The following RASA3 variants were observed in gnomAD, a reference collection of about 807,000 sequenced individuals.
RASA3 encodes RAS p21 protein activator 3, also known as ras GTPase-activating protein 3.
In RASA3, 73 loss-of-function variants were observed where a neutral mutation model predicts 110.0. That is an observed-to-expected ratio of 0.66 (90% confidence interval 0.55 to 0.81). The LOEUF is 0.81. RASA3 is among the 30% of genes least tolerant of loss of function. RASA3 has a pLI of 0.00. For missense variants in RASA3, 976 were observed against 1,113.2 expected (o/e 0.88, Z 1.75); for synonymous variants, 500 against 451.4 (o/e 1.11, Z -1.37).
rs1410028817 is a variant in RASA3, at chr13:114,048,301, A to T, written c.277+3751T>A. Among the ~76,000 whole-genome samples the T allele has an allele frequency of 1.1e-4, 17 of 150,066 alleles. 1 individual carries two copies. The highest frequency in any genetic ancestry group is 3.4e-3 in the Middle Eastern group (1 of 290). On this transcript the variant is annotated intron_variant, in intron 3 of 23. Coordinates refer to ENST00000334062, the MANE Select transcript of RASA3 (RefSeq NM_007368.4). This position sits in a 1 kb window ranked among gnomAD's most constrained non-coding sequence, Gnocchi z 4.3. ...CTGCCCTCCAGCCTGGGCGACAGAAAGAGACTCCGTCTCAAAAAAAAAAAA... is the reference window on the plus strand; with the variant it reads ...CTGCCCTCCAGCCTGGGCGACAGAATGAGACTCCGTCTCAAAAAAAAAAAA...
chr13:114,119,942 TCC>T, intron 1 of RASA3, among the ~76,000 whole-genome samples: 1 of 4,636 alleles, frequency 2.2e-4, no homozygotes, highest in Admixed American at 2.2e-3. Context: ...GGGCCCTCCC[TCC>T]TCTCTCCAGC....
At chr13:114,092,544 C>T (rs575836545) in intron 1 of RASA3, among the ~76,000 whole-genome samples, 2 of 152,036 alleles carry the variant, frequency 1.3e-5, no homozygotes, top group Non-Finnish European at 2.9e-5. Context: ...ATAATTTTGA[C>T]GTTTTTTAAT....
intron 1 of RASA3, among the ~76,000 whole-genome samples, chr13:114,126,715 A>G (rs2080455464): frequency 6.6e-6 from 1 of 152,256 alleles, no homozygotes; most frequent in Non-Finnish European, 1.5e-5. Context: ...TTCTGCTAGA[A>G]TAATACCTCC....
intron 4 of RASA3, among the ~76,000 whole-genome samples, chr13:114,035,073 C>T (rs1023894233): frequency 6.6e-6 from 1 of 152,062 alleles, no homozygotes; most frequent in African/African-American, 2.4e-5. Flanking sequence ...GAGATCTGAA[C>T]GCTGACCTGA....
At chr13:114,041,686 C>T (rs2054411271) in intron 3 of RASA3, among the ~76,000 whole-genome samples, 3 of 152,248 alleles carry the variant, frequency 2.0e-5, no homozygotes, top group Admixed American at 1.3e-4. Context: ...GGGTGCTTTC[C>T]GTGTGTGTGG....
At chr13:114,027,482 A>G in intron 6 of RASA3, 21 bp from the exon 7 acceptor site, 1 of 1,589,738 alleles carries the variant, frequency 6.3e-7, no homozygotes. Context: ...GTGAGAAAGG[A>G]TTGGGATTAA....
chr13:114,023,380 G>A (rs34803962), intron 8 of RASA3, among the ~76,000 whole-genome samples: 86,111 of 152,064 alleles, frequency 0.57, 26,183 homozygotes, highest in African/African-American at 0.8. Flanking sequence ...TCTCAGGGCC[G>A]GCTGGGGAGG....
chr13:114,069,643 G>A (rs1475386999), intron 2 of RASA3, among the ~76,000 whole-genome samples: 1 of 77,552 alleles, frequency 1.3e-5, no homozygotes, highest in East Asian at 4.2e-4. Context: ...TCGGGGAGCC[G>A]GGAGACTCGG....
At chr13:114,129,436 C>T (rs2080490707) in intron 1 of RASA3, among the ~76,000 whole-genome samples, 1 of 152,132 alleles carries the variant, frequency 6.6e-6, no homozygotes, top group Non-Finnish European at 1.5e-5. Flanking sequence ...GCTGGAAGGA[C>T]AAAGAAAGAG....
At position 114,112,479 on chromosome 13, in the gene RASA3, G is replaced by A. The variant is rs918374413; in HGVS notation, c.55+19956C>T. Among the ~76,000 whole-genome samples, 29 of 152,150 alleles carry A rather than the reference G, an allele frequency of 1.9e-4. No homozygotes were observed. Among genetic ancestry groups the A allele is most frequent in the Admixed American group, 6.5e-5 (1 of 15,286 alleles). ...TAGACCGGGGTCTCAGATTTCAGCC[G>A]GACGGGAACTCTCTGCAGGGCCGGT... On this transcript the variant is annotated intron_variant, in intron 1 of 23. Transcript: ENST00000334062. The surrounding 1 kb of genome is among the most constrained non-coding windows in gnomAD (Gnocchi z 4.8).
At chr13:114,077,126 C>T (rs2079697591) in intron 1 of RASA3, among the ~76,000 whole-genome samples, 1 of 152,190 alleles carries the variant, frequency 6.6e-6, no homozygotes, top group Non-Finnish European at 1.5e-5. Flanking sequence ...GAGATTTGTT[C>T]CCACAGGGCC....
rs779640385 is a variant in RASA3 at position 114,115,089 on chromosome 13, G to A, written c.55+17346C>T. Among the ~76,000 whole-genome samples the A allele has an allele frequency of 2.6e-5, 4 of 151,648 alleles. No individual in the cohort carries two copies. Among genetic ancestry groups the A allele is most frequent in the Admixed American group, 6.6e-5 (1 of 15,246 alleles). The stretch of plus-strand genomic sequence containing the variant: ...CCAGCTGTGAGATGCTGCAGGTCCC[G>A]GCAGGAGAAGGCTTCTCCACAGAGA... On this transcript the variant is annotated intron_variant, in intron 1 of 23. Coordinates refer to ENST00000334062, the MANE Select transcript of RASA3 (RefSeq NM_007368.4). This position sits in a 1 kb window ranked among gnomAD's most constrained non-coding sequence, Gnocchi z 5.0.
At position 114,083,241 on chromosome 13, in the gene RASA3, C is replaced by T. The variant is rs75110300; in HGVS notation, c.56-9404G>A. On this transcript the variant is annotated intron_variant, in intron 1 of 23. Coordinates refer to ENST00000334062, the MANE Select transcript of RASA3 (RefSeq NM_007368.4). Reference sequence around the variant, plus strand: ...TTTTTTTGTGCTATTGCAGTGTAACCGCTATATACAAGATTATTTAATTCA... The same window carrying T: ...TTTTTTTGTGCTATTGCAGTGTAACTGCTATATACAAGATTATTTAATTCA... 5.9e-3 allele frequency among the ~76,000 whole-genome samples: 897 copies of T among 152,298 alleles called. 8 individuals carry two copies. The highest frequency in any genetic ancestry group is 0.02 in the African/African-American group (845 of 41,562).
intron 20 of RASA3, among the ~76,000 whole-genome samples, chr13:113,997,858 T>C (rs2053291087): frequency 6.6e-6 from 1 of 152,102 alleles, no homozygotes; most frequent in Non-Finnish European, 1.5e-5. Flanking sequence ...TGAGGTCTTA[T>C]TTACAGAGGC....
At chr13:114,123,713 C>T (rs1037772621) in intron 1 of RASA3, among the ~76,000 whole-genome samples, 1 of 152,238 alleles carries the variant, frequency 6.6e-6, no homozygotes, top group African/African-American at 2.4e-5. Context: ...GACTCTGGCC[C>T]ATCCTGGGGC....
At chr13:114,030,364 G>GAGGGCAAGA (rs1566501219) in intron 4 of RASA3, among the ~76,000 whole-genome samples, 1 of 135,418 alleles carries the variant, frequency 7.4e-6, no homozygotes, top group African/African-American at 3.1e-5. Flanking sequence ...AGAGGGCAAG[G>GAGGGCAAGA]CTCACACAGA....
At chr13:114,021,297 C>T in intron 9 of RASA3, 107 bp downstream of exon 9, 1 of 955,610 alleles carries the variant, frequency 1.0e-6, no homozygotes, top group Non-Finnish European at 1.6e-6. Flanking sequence ...GTGCTGGGCA[C>T]AGCCGAGGAC....
chr13:113,995,724 ATGGGGGGCC>A (rs1566452871), intron 21 of RASA3, among the ~76,000 whole-genome samples: 2 of 40,770 alleles, frequency 4.9e-5, no homozygotes, highest in South Asian at 1.0e-3. Flanking sequence ...GACCCAGCTG[ATGGGGGGCC>A]CGGCTGACGG....
At chr13:114,023,504 G>A (rs1307053762) in intron 8 of RASA3, among the ~76,000 whole-genome samples, 1 of 152,214 alleles carries the variant, frequency 6.6e-6, no homozygotes, top group African/African-American at 2.4e-5. Context: ...GGTACAGAAG[G>A]AACAGAGGCT....
Sources: allele counts gnomAD v4.1 joint callset (sites outside exome capture counted in the v4.1 genomes callset), GRCh38; gene constraint gnomAD v4.1.1; non-coding constraint Gnocchi (gnomAD v3.1); transcripts MANE v1.5; gene names NCBI Gene and HGNC (gene_info 2026-07-23, HGNC 2026-07-21).